The following CHRM3 variants were observed in gnomAD, a reference collection of about 807,000 sequenced individuals.
The protein encoded by CHRM3 is muscarinic acetylcholine receptor M3.
Under a neutral mutation model 41.8 loss-of-function variants are expected in CHRM3, and 11 were observed. That is an observed-to-expected ratio of 0.26 (90% CI 0.17 to 0.44). The LOEUF (loss-of-function observed/expected upper bound fraction) is 0.44, where lower values mean the gene tolerates loss of function less well. Ranked by LOEUF, CHRM3 falls within the 20% of genes least tolerant of loss-of-function variation. The probability of loss-of-function intolerance (pLI) is 1.00; values close to 1 mark genes in which losing one functional copy is unlikely to be tolerated. For missense variants in CHRM3, 571 were observed against 745.4 expected (o/e 0.77, Z 2.72); for synonymous variants, 297 against 301.4 (o/e 0.99, Z 0.15).
At chr1:239,875,092 G>A (rs925633338) in intron 6 of CHRM3, among the ~76,000 whole-genome samples, 2 of 152,206 alleles carry the variant, frequency 1.3e-5, no homozygotes, top group Admixed American at 6.5e-5. Flanking sequence ...CCAAAAGGTA[G>A]TTGTTGATGA....
intron 3 of CHRM3, among the ~76,000 whole-genome samples, chr1:239,609,165 T>C (rs1666706099): frequency 6.6e-6 from 1 of 152,172 alleles, no homozygotes; most frequent in African/African-American, 2.4e-5. Flanking sequence ...TCATTTCCCA[T>C]CACCAGGCAA....
At chr1:239,394,039 A>T (rs1659273981) in intron 1 of CHRM3, among the ~76,000 whole-genome samples, 1 of 152,176 alleles carries the variant, frequency 6.6e-6, no homozygotes, top group South Asian at 2.1e-4. Flanking sequence ...GCAAAGTACC[A>T]TGGACATTCT....
At chr1:239,403,974 G>GC in intron 1 of CHRM3, among the ~76,000 whole-genome samples, 1 of 39,464 alleles carries the variant, frequency 2.5e-5, no homozygotes, top group Non-Finnish European at 5.8e-5. Context: ...GGAGAGGGAG[G>GC]GGGAGAGAGA....
At chr1:239,589,056 C>A (rs956716186) in intron 3 of CHRM3, among the ~76,000 whole-genome samples, 1 of 152,066 alleles carries the variant, frequency 6.6e-6, no homozygotes, top group African/African-American at 2.4e-5. Flanking sequence ...GCCTCAGCCT[C>A]CCAAGTAGCT....
rs566605617 is a variant in CHRM3, at chr1:239,425,662, G to A, written c.-521+38435G>A. ...GTGGTAAACGATTGTTTCACTGAGC[G>A]AAACTAAATTAAAGAATACACAGGC... On this transcript the variant is annotated intron_variant, in intron 1 of 6. Coordinates refer to ENST00000676153, the MANE Select transcript of CHRM3 (RefSeq NM_001375978.1). Among the ~76,000 whole-genome samples the A allele has an allele frequency of 1.6e-4, 24 of 152,214 alleles. No homozygotes were observed. The South Asian group carries it at 2.7e-3, about 17-fold the overall frequency.
intron 6 of CHRM3, among the ~76,000 whole-genome samples, chr1:239,855,773 C>T (rs551485438): frequency 6.6e-6 from 1 of 152,054 alleles, no homozygotes; most frequent in Non-Finnish European, 1.5e-5. Context: ...ATCTATAAAC[C>T]CACCTTTTAG....
chr1:239,544,589 T>G (rs1659107145), intron 2 of CHRM3, among the ~76,000 whole-genome samples: 1 of 152,194 alleles, frequency 6.6e-6, no homozygotes, highest in Non-Finnish European at 1.5e-5. Context: ...ATTAAAGGAT[T>G]GACAAAACAA....
At chr1:239,732,751 GT>G (rs35161403) in intron 5 of CHRM3, among the ~76,000 whole-genome samples, 1 of 42,952 alleles carries the variant, frequency 2.3e-5, no homozygotes, top group African/African-American at 7.2e-5. Context: ...ACTTAGATAA[GT>G]ATACCTAATA....
At chr1:239,454,562 C>T (rs528838427) in intron 1 of CHRM3, among the ~76,000 whole-genome samples, 18 of 151,832 alleles carry the variant, frequency 1.2e-4, no homozygotes, top group Admixed American at 3.9e-4. Context: ...CAGCACTTCT[C>T]GCCTTTCCAG....
chr1:239,895,711 G>A (rs1050240450), intron 6 of CHRM3, among the ~76,000 whole-genome samples: 7 of 152,174 alleles, frequency 4.6e-5, no homozygotes, highest in African/African-American at 1.2e-4. Context: ...GCAAAGTAAT[G>A]CAAGAACAGA....
intron 4 of CHRM3, among the ~76,000 whole-genome samples, chr1:239,670,404 A>G (rs1674237875): frequency 6.6e-6 from 1 of 152,188 alleles, no homozygotes; most frequent in East Asian, 1.9e-4. Flanking sequence ...AAATTTACAT[A>G]TATTGTGAAC....
At chr1:239,482,986 C>T (rs977828358) in intron 1 of CHRM3, among the ~76,000 whole-genome samples, 3 of 152,148 alleles carry the variant, frequency 2.0e-5, no homozygotes, top group Non-Finnish European at 2.9e-5. Context: ...CCGTGCTATT[C>T]GCTTCTGATT....
At chr1:239,396,938 A>G (rs1341055014) in intron 1 of CHRM3, among the ~76,000 whole-genome samples, 1 of 152,224 alleles carries the variant, frequency 6.6e-6, no homozygotes, top group African/African-American at 2.4e-5. Context: ...ATAAAAACCA[A>G]TCTGCTTAAA....
intron 3 of CHRM3, among the ~76,000 whole-genome samples, chr1:239,631,805 A>G (rs375950025): frequency 2.0e-5 from 3 of 152,316 alleles, no homozygotes; most frequent in East Asian, 3.9e-4. Flanking sequence ...AAGGTAGCAA[A>G]TGGAATACTT....
chr1:239,719,938 G>A (rs1662769139), intron 5 of CHRM3, among the ~76,000 whole-genome samples: 1 of 151,966 alleles, frequency 6.6e-6, no homozygotes, highest in African/African-American at 2.4e-5. Flanking sequence ...AGGACATTGT[G>A]TGTGTGTTTG....
chr1:239,414,423 A>G (rs1157882135), intron 1 of CHRM3, among the ~76,000 whole-genome samples: 1 of 152,252 alleles, frequency 6.6e-6, no homozygotes, highest in Non-Finnish European at 1.5e-5. Flanking sequence ...CCTAAGGCAC[A>G]TGTTTACAGC....
At chr1:239,787,124 G>A (rs1045165679) in intron 5 of CHRM3, among the ~76,000 whole-genome samples, 3 of 152,112 alleles carry the variant, frequency 2.0e-5, no homozygotes, top group South Asian at 2.1e-4. Context: ...ATAAATAGGT[G>A]AATGATACCA....
chr1:239,643,288 C>G (rs1671398098), intron 4 of CHRM3, among the ~76,000 whole-genome samples: 1 of 152,220 alleles, frequency 6.6e-6, no homozygotes, highest in Non-Finnish European at 1.5e-5. Context: ...AACCACTGCT[C>G]TCTTCAAAGC....
intron 6 of CHRM3, among the ~76,000 whole-genome samples, chr1:239,857,235 C>T (rs551725465): frequency 7.2e-5 from 11 of 152,150 alleles, no homozygotes; most frequent in Non-Finnish European, 1.3e-4. Flanking sequence ...TTTCAGCCAC[C>T]GATCTCAATA....
Sources: allele counts gnomAD v4.1 joint callset (sites outside exome capture counted in the v4.1 genomes callset), GRCh38; gene constraint gnomAD v4.1.1; transcripts MANE v1.5; gene names NCBI Gene and HGNC (gene_info 2026-07-23, HGNC 2026-07-21).